Variants in RCC1L observed in about 807,000 individuals in gnomAD.
The protein encoded by RCC1L is RCC1-like G exchanging factor-like protein.
In RCC1L, 46 loss-of-function variants were observed where a neutral mutation model predicts 58.6. The observed-to-expected ratio is 0.79, with a 90% CI of 0.62 to 1.00. The LOEUF (loss-of-function observed/expected upper bound fraction) is 1.00. Ranked by LOEUF, RCC1L falls within the 50% of genes least tolerant of loss-of-function variation. The probability of loss-of-function intolerance (pLI) is 0.00; values close to 1 mark genes in which losing one functional copy is unlikely to be tolerated. For missense variants in RCC1L, 636 were observed against 623.6 expected, an observed-to-expected ratio of 1.02 and a Z score of -0.21; for synonymous variants, 281 against 262.9, an observed-to-expected ratio of 1.07 and a Z score of -0.67.
chr7:75,056,544 T>C (rs1463987193), intron 8 of RCC1L: 7 of 1,526,206 alleles, frequency 4.6e-6, no homozygotes, highest in South Asian at 1.2e-5. Flanking sequence ...TATTCATCAG[T>C]GGTGCCAGAT....
At chr7:75,072,742 G>A (rs1197635864) in intron 1 of RCC1L, among the ~76,000 whole-genome samples, 1 of 152,160 alleles carries the variant, frequency 6.6e-6, no homozygotes, top group Non-Finnish European at 1.5e-5. Flanking sequence ...CACTTTGGGA[G>A]GCCAAGGCGG....
At chr7:75,057,444 C>T (rs1289440933) in intron 8 of RCC1L, 85 bp downstream of exon 8, 8 of 1,406,450 alleles carry the variant, frequency 5.7e-6, no homozygotes, top group East Asian at 2.3e-5. Context: ...CTAAGGTCTA[C>T]GGCCTGCAAA....
At chr7:75,054,995 A>G (rs1480486694) in intron 9 of RCC1L, among the ~76,000 whole-genome samples, 1 of 152,240 alleles carries the variant, frequency 6.6e-6, no homozygotes, top group African/African-American at 2.4e-5. Flanking sequence ...ATAAGTGAAT[A>G]GCAGTTAGGA....
At chr7:75,045,198 A>T (rs1805682510) in intron 10 of RCC1L, among the ~76,000 whole-genome samples, 1 of 151,106 alleles carries the variant, frequency 6.6e-6, no homozygotes, top group Non-Finnish European at 1.5e-5. Flanking sequence ...GTTTGTAGAG[A>T]CAGAGGTCTC....
chr7:75,054,922 G>A (rs1380608533), intron 9 of RCC1L, among the ~76,000 whole-genome samples: 1 of 152,216 alleles, frequency 6.6e-6, no homozygotes, highest in African/African-American at 2.4e-5. Context: ...TAAAACTCCA[G>A]CTGGCAGCCA....
At chr7:75,068,517 T>C (rs1388149755) in intron 2 of RCC1L, among the ~76,000 whole-genome samples, 2 of 151,840 alleles carry the variant, frequency 1.3e-5, no homozygotes, top group Non-Finnish European at 2.9e-5. Context: ...GAAACCCCCG[T>C]CTCTACTAAA....
At position 75,073,515 on chromosome 7, in the gene RCC1L, G is replaced by A; in HGVS notation, c.223C>T (p.Pro75Ser). 16 of 1,439,760 alleles carry A rather than the reference G, an allele frequency of 1.1e-5. No individual in the cohort carries two copies. The highest frequency in any genetic ancestry group is 1.4e-5 in the Non-Finnish European group (15 of 1,103,570). The allele number at this position is 1,439,760 out of a possible 1,614,324, so 89.2% of individuals were successfully genotyped here. A position where few individuals can be genotyped will look rare whatever the true frequency, so the allele number is the denominator to read the frequency against. Residue 75 changes from proline to serine, a missense_variant, in exon 1 of 11, where the codon CCT (proline) becomes TCT (serine). Pro to Ser is a moderately conservative substitution (Grantham distance 74). Transcript: ENST00000610322. ...CCGGAGCTGGGCACCACAAAGGAAG[G>A]CACGCCCAGCGCCCCCGAGAAGCTG... Reference protein sequence around the residue: ...GFSFSGALGVPSFVVPSSGPG... With the variant: ...GFSFSGALGVSSFVVPSSGPG...
chr7:75,046,439 G>A (rs1487673108), intron 10 of RCC1L, among the ~76,000 whole-genome samples: 3 of 152,168 alleles, frequency 2.0e-5, no homozygotes, highest in Non-Finnish European at 4.4e-5. Flanking sequence ...CTTGCTCCCC[G>A]AGGGCTCTGG....
At chr7:75,056,871 G>T in intron 8 of RCC1L, 1 of 829,034 alleles carries the variant, frequency 1.2e-6, no homozygotes, top group East Asian at 2.7e-5. Context: ...CAGTGCAGTG[G>T]CATGATCATA....
chr7:75,051,660 C>G (rs1584493731), intron 10 of RCC1L, among the ~76,000 whole-genome samples: 1 of 152,176 alleles, frequency 6.6e-6, no homozygotes, highest in African/African-American at 2.4e-5. Context: ...ATCCACCCAC[C>G]TGGGCCTCCC....
chr7:75,069,711 G>A (rs1806648981), intron 2 of RCC1L, among the ~76,000 whole-genome samples: 1 of 151,780 alleles, frequency 6.6e-6, no homozygotes, highest in Non-Finnish European at 1.5e-5. Context: ...ATACAGGTGC[G>A]TGCCACCATG....
At chr7:75,057,754 A>G in intron 7 of RCC1L, 138 bp from the exon 8 acceptor site, 2 of 795,434 alleles carry the variant, frequency 2.5e-6, no homozygotes, top group East Asian at 2.7e-5. Flanking sequence ...TCACATGCCA[A>G]GCATCATACT....
chr7:75,057,108 G>A (rs1806105286), intron 8 of RCC1L, among the ~76,000 whole-genome samples: 1 of 152,238 alleles, frequency 6.6e-6, no homozygotes, highest in African/African-American at 2.4e-5. Context: ...CAAGTACTAG[G>A]ATTACAAGCA....
At chr7:75,045,081 T>C (rs1216325829) in intron 10 of RCC1L, among the ~76,000 whole-genome samples, 2 of 152,090 alleles carry the variant, frequency 1.3e-5, no homozygotes, top group Non-Finnish European at 2.9e-5. Context: ...AGTGGTGCAA[T>C]CACTGCAGGC....
At position 75,061,283 on chromosome 7, in the gene RCC1L, A is replaced by G; in HGVS notation, c.711T>C (p.Cys237=). Residue 237 remains cysteine, a synonymous_variant, in exon 6 of 11, where the codon TGT becomes TGC. Coordinates refer to ENST00000610322, the MANE Select transcript of RCC1L (RefSeq NM_030798.5). Reference sequence around the variant, plus strand: ...TCAGGAACAGACTATGATCCTGACCACAGGCGACCTAGCAGACAAACAGAG... The same window carrying G: ...TCAGGAACAGACTATGATCCTGACCGCAGGCGACCTAGCAGACAAACAGAG... ...DFDGQVVQVA[C]GQDHSLFLTD... 1.9e-6 allele frequency: 3 copies of G among 1,613,716 alleles called. No individual in the cohort carries two copies. Among genetic ancestry groups the G allele is most frequent in the Non-Finnish European group, 2.5e-6 (3 of 1,179,728 alleles).
intron 6 of RCC1L, among the ~76,000 whole-genome samples, chr7:75,060,551 C>A (rs1415834324): frequency 6.6e-5 from 10 of 152,350 alleles, no homozygotes; most frequent in South Asian, 2.1e-4. Flanking sequence ...CTGCCTCAGC[C>A]TTCCTAGTAG....
chr7:75,066,779 C>A lies in RCC1L; in HGVS notation c.468G>T (p.Glu156Asp). Residue 156 changes from glutamate to aspartate, a missense_variant, in exon 3 of 11, where the codon GAG becomes GAT. Physicochemically the swap from Glu to Asp is conservative, Grantham distance 45. Transcript: ENST00000610322. ...AGACGGGTGAGGGCTCCAACACATA[C>A]TCGTAGCCCCTCGCTGGAAAAGACA... ...RSRKDKTRGY[E>D]YVLEPSPVSL... 1 of 1,604,774 alleles carries A rather than the reference C, an allele frequency of 6.2e-7. No individual in the cohort carries two copies. Among genetic ancestry groups the A allele is most frequent in the Non-Finnish European group, 8.5e-7 (1 of 1,176,756 alleles).
intron 8 of RCC1L, 120 bp downstream of exon 8, chr7:75,057,409 G>A (rs956038308): frequency 9.5e-5 from 92 of 969,340 alleles, no homozygotes; most frequent in African/African-American, 2.1e-4. Flanking sequence ...GAGCCACCGC[G>A]CCCAGCCATG....
chr7:75,065,800 C>T (rs1241279305), intron 3 of RCC1L, among the ~76,000 whole-genome samples: 12 of 151,250 alleles, frequency 7.9e-5, no homozygotes, highest in East Asian at 4.0e-4. Flanking sequence ...GGCGGATCAC[C>T]TGAGGTCAGG....
Sources: gnomAD v4.1 joint callset for allele counts (sites outside exome capture counted in the v4.1 genomes callset) on GRCh38, gnomAD v4.1.1 for gene constraint, MANE v1.5 for transcripts, NCBI Gene and HGNC (gene_info 2026-07-23, HGNC 2026-07-21) for gene names.